The following KCNIP1 variants were observed in gnomAD, a reference collection of about 807,000 sequenced individuals.
KCNIP1 encodes A-type potassium channel modulatory protein KCNIP1.
In KCNIP1, 18 loss-of-function variants were observed where a neutral mutation model predicts 33.0. That is an observed-to-expected ratio of 0.55 (90% CI 0.38 to 0.81). KCNIP1 has a LOEUF of 0.81. KCNIP1 is among the 30% of genes least tolerant of loss of function. The pLI is 0.00. For synonymous variants in KCNIP1, 93 were observed against 98.3 expected, an observed-to-expected ratio of 0.95 and a Z score of 0.32; for missense variants, 238 against 271.6, an observed-to-expected ratio of 0.88 and a Z score of 0.87.
chr5:170,457,631 C>T (rs1756416138), intron 1 of KCNIP1, among the ~76,000 whole-genome samples: 1 of 152,070 alleles, frequency 6.6e-6, no homozygotes. Flanking sequence ...AGCCACATCC[C>T]TAGGAAAAGG....
intron 1 of KCNIP1, among the ~76,000 whole-genome samples, chr5:170,423,825 G>A (rs928112416): frequency 2.0e-5 from 3 of 152,148 alleles, no homozygotes; most frequent in African/African-American, 7.2e-5. Flanking sequence ...ATGGGGAGCC[G>A]GGTGCTGTAT....
At chr5:170,538,235 A>G (rs1756069541) in intron 1 of KCNIP1, among the ~76,000 whole-genome samples, 1 of 152,184 alleles carries the variant, frequency 6.6e-6, no homozygotes, top group African/African-American at 2.4e-5. Context: ...CATGTTCTCA[A>G]GTAGAAGTGT....
intron 1 of KCNIP1, among the ~76,000 whole-genome samples, chr5:170,589,792 G>GCA (rs1561703757): frequency 1.3e-4 from 15 of 113,016 alleles, no homozygotes; most frequent in Non-Finnish European, 2.8e-4. Context: ...GATGTGATGT[G>GCA]GTGTGCGGTG....
chr5:170,385,231 G>T (rs1460396938), intron 1 of KCNIP1: 3 of 1,456,936 alleles, frequency 2.1e-6, no homozygotes, highest in Non-Finnish European at 2.9e-6. Flanking sequence ...AAGGAGAGGG[G>T]TGAGTAGAAG....
intron 1 of KCNIP1, among the ~76,000 whole-genome samples, chr5:170,435,227 A>T (rs1040790684): frequency 1.3e-5 from 2 of 152,184 alleles, no homozygotes; most frequent in African/African-American, 4.8e-5. Context: ...AAATTTTGCT[A>T]CAACGTGTAG....
chr5:170,541,231 A>T (rs1756196926), intron 1 of KCNIP1, among the ~76,000 whole-genome samples: 1 of 152,100 alleles, frequency 6.6e-6, no homozygotes, highest in African/African-American at 2.4e-5. Flanking sequence ...CTGATTCTTC[A>T]TTGCAAGTGA....
At chr5:170,603,711 G>A (rs1314420960) in intron 1 of KCNIP1, among the ~76,000 whole-genome samples, 1 of 151,886 alleles carries the variant, frequency 6.6e-6, no homozygotes, top group East Asian at 1.9e-4. Context: ...CAGAGGTGGG[G>A]AGAGAAGAGC....
At chr5:170,573,263 T>A (rs1757483312) in intron 1 of KCNIP1, among the ~76,000 whole-genome samples, 1 of 152,034 alleles carries the variant, frequency 6.6e-6, no homozygotes. Flanking sequence ...TCCTTGGGAG[T>A]TGGGAAAGGT....
intron 5 of KCNIP1, among the ~76,000 whole-genome samples, chr5:170,727,543 G>A (rs1323631862): frequency 1.3e-5 from 2 of 152,152 alleles, no homozygotes; most frequent in Non-Finnish European, 2.9e-5. Context: ...CAAAAAATGT[G>A]TTGAAGGAAA....
chr5:170,366,097 G>A lies in KCNIP1; in HGVS notation c.88+12133G>A, dbSNP rs189480544. Among the ~76,000 whole-genome samples the A allele has an allele frequency of 1.1e-4, 16 of 152,338 alleles. No homozygotes were observed. The South Asian group carries it at 1.2e-3, about 12-fold the overall frequency. On this transcript the variant is annotated intron_variant, in intron 1 of 7. Transcript: ENST00000377360. ...CTTTGCCTTTCCTTTCCCTACCCGG[G>A]ATGCGAGTATCAGTGACAAAGAGTT...
intron 1 of KCNIP1, among the ~76,000 whole-genome samples, chr5:170,618,359 G>A (rs1359786778): frequency 6.7e-6 from 1 of 150,052 alleles, no homozygotes; most frequent in African/African-American, 2.5e-5. Context: ...TCTCCACATA[G>A]AGCCTAGCAA....
chr5:170,364,943 T>A (rs1003945274), intron 1 of KCNIP1, among the ~76,000 whole-genome samples: 1 of 152,194 alleles, frequency 6.6e-6, no homozygotes, highest in African/African-American at 2.4e-5. Context: ...TACAGTGCAG[T>A]CTTATGAACT....
intron 1 of KCNIP1, among the ~76,000 whole-genome samples, chr5:170,593,662 G>A (rs532505538): frequency 6.6e-6 from 1 of 152,328 alleles, no homozygotes; most frequent in East Asian, 1.9e-4. Flanking sequence ...TAAATCGGGT[G>A]TGTTTTCCAC....
At chr5:170,398,981 G>T (rs1294919418) in intron 1 of KCNIP1, among the ~76,000 whole-genome samples, 1 of 152,196 alleles carries the variant, frequency 6.6e-6, no homozygotes, top group Non-Finnish European at 1.5e-5. Flanking sequence ...GACAGCGAAA[G>T]AAGCAAGTTT....
At chr5:170,535,590 A>T (rs1755954580) in intron 1 of KCNIP1, among the ~76,000 whole-genome samples, 1 of 151,780 alleles carries the variant, frequency 6.6e-6, no homozygotes, top group South Asian at 2.1e-4. Flanking sequence ...TAAATCCAGC[A>T]CCCCACCCCC....
chr5:170,627,424 C>T (rs1759875021), intron 1 of KCNIP1, among the ~76,000 whole-genome samples: 1 of 152,256 alleles, frequency 6.6e-6, no homozygotes, highest in Non-Finnish European at 1.5e-5. Context: ...CCTGCCAATG[C>T]CGGGGCAAGA....
chr5:170,721,781 C>G, intron 3 of KCNIP1, 52 bp from the exon 4 acceptor site: 1 of 1,614,168 alleles, frequency 6.2e-7, no homozygotes, highest in South Asian at 1.1e-5. Context: ...GGAAGGTTCT[C>G]CCTGTGTGGA....
intron 1 of KCNIP1, among the ~76,000 whole-genome samples, chr5:170,514,628 T>A (rs555818675): frequency 2.1e-4 from 32 of 152,324 alleles, no homozygotes; most frequent in African/African-American, 7.5e-4. Context: ...TTTTCCCATG[T>A]TGACTACTTT....
At chr5:170,547,835 C>T (rs187554254) in intron 1 of KCNIP1, among the ~76,000 whole-genome samples, 5 of 152,240 alleles carry the variant, frequency 3.3e-5, no homozygotes, top group East Asian at 1.9e-4. Flanking sequence ...TGAACATACG[C>T]GTGCAGCTGT....
Sources: gnomAD v4.1 joint callset for allele counts (sites outside exome capture counted in the v4.1 genomes callset) on GRCh38, gnomAD v4.1.1 for gene constraint, MANE v1.5 for transcripts, NCBI Gene and HGNC (gene_info 2026-07-23, HGNC 2026-07-21) for gene names.